OMA1: variants seen among roughly 807,000 people sequenced by gnomAD.
OMA1 encodes metalloendopeptidase OMA1, mitochondrial.
Under a neutral mutation model 30.9 loss-of-function variants are expected in OMA1, and 38 were observed. The observed-to-expected ratio is 1.23, with a 90% confidence interval of 0.95 to 1.61. The LOEUF (loss-of-function observed/expected upper bound fraction) is 1.61. Ranked by LOEUF, OMA1 falls within the 40% of genes most tolerant of loss-of-function variation. OMA1 has a pLI of 0.00. For synonymous variants in OMA1, 173 were observed against 121.9 expected (o/e 1.42, Z -2.76); for missense variants, 461 against 349.2 (o/e 1.32, Z -2.55).
At chr1:58,487,431 GTTA>G (rs1174733093) in intron 8 of OMA1, among the ~76,000 whole-genome samples, 12 of 152,248 alleles carry the variant, frequency 7.9e-5, no homozygotes, top group Admixed American at 2.0e-4. Context: ...TTCTTTTAAA[GTTA>G]TTGTTTTTAT....
intron 5 of OMA1, 47 bp from the exon 6 acceptor site, chr1:58,530,776 A>G: frequency 1.2e-6 from 1 of 843,440 alleles, no homozygotes; most frequent in Middle Eastern, 2.2e-4. Context: ...ACATTGAGAC[A>G]GTATATGCTT....
intron 1 of OMA1, among the ~76,000 whole-genome samples, chr1:58,544,949 C>G (rs2100506678): frequency 6.6e-6 from 1 of 152,236 alleles, no homozygotes; most frequent in South Asian, 2.1e-4. Context: ...CTATGTTGCC[C>G]AGGCTGGTTT....
chr1:58,487,652 T>A (rs1030750043), intron 8 of OMA1, among the ~76,000 whole-genome samples: 9 of 152,204 alleles, frequency 5.9e-5, no homozygotes, highest in African/African-American at 1.9e-4. Context: ...AATAGTTTTT[T>A]AAATTTGATT....
intron 8 of OMA1, among the ~76,000 whole-genome samples, chr1:58,493,035 A>G (rs892539069): frequency 2.0e-5 from 3 of 152,224 alleles, no homozygotes; most frequent in African/African-American, 4.8e-5. Flanking sequence ...CTGGCAAACC[A>G]AATCCAGCAG....
At chr1:58,508,004 T>A (rs1485284484) in intron 7 of OMA1, among the ~76,000 whole-genome samples, 3 of 152,234 alleles carry the variant, frequency 2.0e-5, no homozygotes, top group South Asian at 2.1e-4. Flanking sequence ...ACTTATCTAA[T>A]TTTTTTAGCC....
At position 58,527,292 on chromosome 1, in the gene OMA1, G is replaced by A. The variant is rs753694092; in HGVS notation, c.1184C>T (p.Ala395Val). The A allele has an allele frequency of 2.3e-6, 2 of 872,204 alleles. No individual in the cohort carries two copies. Among genetic ancestry groups the A allele is most frequent in the Non-Finnish European group, 2.0e-6 (1 of 501,238 alleles). The allele number at this position is 872,204 out of a possible 1,614,324, so 54.0% of individuals were successfully genotyped here. A position where few individuals can be genotyped will look rare whatever the true frequency, so the allele number is the denominator to read the frequency against. Residue 395 changes from alanine (A) to valine (V), a missense_variant, in exon 7 of 9, where the codon GCT (alanine) becomes GTT (valine). Ala to Val is a moderately conservative substitution (Grantham distance 64). Transcript: ENST00000371226. ...AGCAAGCAGTAGTCCAATTTTGTCA[G>A]CTTCGGCCTCCAATTTTCTGCTGTA... ...RPYSRKLEAE[A>V]DKIGLLLAAK...
At chr1:58,483,010 A>G (rs1645515332) in intron 8 of OMA1, among the ~76,000 whole-genome samples, 1 of 152,176 alleles carries the variant, frequency 6.6e-6, no homozygotes, top group Non-Finnish European at 1.5e-5. Context: ...AAGCTAATAC[A>G]CTACTACTTA....
At chr1:58,500,355 C>A (rs927036315) in intron 8 of OMA1, among the ~76,000 whole-genome samples, 34 of 152,156 alleles carry the variant, frequency 2.2e-4, no homozygotes, top group Admixed American at 2.2e-3. Context: ...TTTGTGTACA[C>A]TGGCCAACAA....
chr1:58,492,684 T>G (rs1217928670), intron 8 of OMA1, among the ~76,000 whole-genome samples: 4 of 152,204 alleles, frequency 2.6e-5, no homozygotes, highest in African/African-American at 9.7e-5. Context: ...GATAAATTCC[T>G]GGACACATAC....
At chr1:58,485,493 T>TC (rs1645562059) in intron 8 of OMA1, among the ~76,000 whole-genome samples, 1 of 151,998 alleles carries the variant, frequency 6.6e-6, no homozygotes, top group Admixed American at 6.6e-5. Context: ...CTGTTTCTCC[T>TC]CCCCAAATAT....
intron 7 of OMA1, among the ~76,000 whole-genome samples, chr1:58,508,054 A>G (rs1048294904): frequency 1.3e-5 from 2 of 152,190 alleles, no homozygotes; most frequent in Admixed American, 6.5e-5. Context: ...TCCCTATTCA[A>G]TCTCTAAGTA....
At chr1:58,525,918 T>C (rs1400733953) in intron 7 of OMA1, among the ~76,000 whole-genome samples, 1 of 152,064 alleles carries the variant, frequency 6.6e-6, no homozygotes, top group African/African-American at 2.4e-5. Context: ...CTCCCACCTT[T>C]ATGACAAAGA....
intron 5 of OMA1, 24 bp downstream of exon 5, chr1:58,533,929 T>C (rs377419010): frequency 3.3e-5 from 29 of 868,272 alleles, no homozygotes; most frequent in Non-Finnish European, 5.4e-5. Context: ...TTTCCAAACC[T>C]GAACATTCAT....
intron 8 of OMA1, among the ~76,000 whole-genome samples, chr1:58,492,070 G>C (rs1645704370): frequency 6.6e-6 from 1 of 152,138 alleles, no homozygotes; most frequent in African/African-American, 2.4e-5. Context: ...CTGTCTCTCA[G>C]ACCACAGTGC....
At chr1:58,508,384 C>A (rs182902394) in intron 7 of OMA1, among the ~76,000 whole-genome samples, 2 of 152,158 alleles carry the variant, frequency 1.3e-5, no homozygotes, top group Non-Finnish European at 2.9e-5. Context: ...CCCACATGAA[C>A]ACACTGATTC....
At chr1:58,530,775 C>T (rs746634042) in intron 5 of OMA1, 46 bp from the exon 6 acceptor site, 1 of 848,138 alleles carries the variant, frequency 1.2e-6, no homozygotes, top group South Asian at 1.3e-5. Flanking sequence ...TACATTGAGA[C>T]AGTATATGCT....
rs377060086 is a variant in OMA1, at chr1:58,489,565, G to A, written c.1366-8391C>T. On this transcript the variant is annotated intron_variant, in intron 8 of 8. Transcript: ENST00000371226. ...AGCAGAAACCTCTGCAGACTTAAATGTCCCTGTCTGACAGCTTAGAAGAGA... is the reference window on the plus strand; with the variant it reads ...AGCAGAAACCTCTGCAGACTTAAATATCCCTGTCTGACAGCTTAGAAGAGA... 2.0e-3 allele frequency among the ~76,000 whole-genome samples: 301 copies of A among 152,300 alleles called. 2 individuals are homozygous for A. In the Middle Eastern group the frequency reaches 0.027, roughly 14 times the overall value.
At chr1:58,514,074 C>T (rs1646123094) in intron 7 of OMA1, among the ~76,000 whole-genome samples, 1 of 152,150 alleles carries the variant, frequency 6.6e-6, no homozygotes, top group Non-Finnish European at 1.5e-5. Flanking sequence ...ACATAGTGGA[C>T]ACTATTTCTA....
chr1:58,539,621 A>G (rs1254563930), intron 1 of OMA1, among the ~76,000 whole-genome samples: 1 of 152,244 alleles, frequency 6.6e-6, no homozygotes, highest in Non-Finnish European at 1.5e-5. Context: ...AGTGGATTAG[A>G]TAAAAACAAC....
Sources: gnomAD v4.1 joint callset for allele counts (sites outside exome capture counted in the v4.1 genomes callset) on GRCh38, gnomAD v4.1.1 for gene constraint, MANE v1.5 for transcripts, NCBI Gene and HGNC (gene_info 2026-07-23, HGNC 2026-07-21) for gene names.